Variants in DIAPH3 observed in about 807,000 individuals in gnomAD.
The protein encoded by DIAPH3 is diaphanous related formin 3, also known as protein diaphanous homolog 3.
A neutral mutation model predicts 144.3 loss-of-function variants in DIAPH3; 117 were observed. The ratio of observed to expected loss-of-function variants is 0.81; its 90% CI spans 0.70 to 0.95. The LOEUF is 0.95. Ranked by LOEUF, DIAPH3 falls within the 40% of genes least tolerant of loss-of-function variation. The probability of loss-of-function intolerance (pLI) is 0.00; values close to 1 mark genes in which losing one functional copy is unlikely to be tolerated. For missense variants in DIAPH3, 1,421 were observed against 1,412.7 expected (o/e 1.01, Z -0.09); for synonymous variants, 519 against 488.9 (o/e 1.06, Z -0.81).
At chr13:59,865,865 C>T (rs2043886194) in intron 21 of DIAPH3, among the ~76,000 whole-genome samples, 1 of 151,968 alleles carries the variant, frequency 6.6e-6, no homozygotes, top group South Asian at 2.1e-4. Flanking sequence ...AAAAACTAAG[C>T]ATCTTCGTGA....
intron 24 of DIAPH3, among the ~76,000 whole-genome samples, chr13:59,814,602 T>C (rs1206767358): frequency 6.6e-6 from 1 of 152,208 alleles, no homozygotes; most frequent in Non-Finnish European, 1.5e-5. Flanking sequence ...TGGATATGAC[T>C]GCCTCTTAGT....
chr13:59,746,372 C>T (rs1052707564), intron 27 of DIAPH3, among the ~76,000 whole-genome samples: 7 of 150,294 alleles, frequency 4.7e-5, no homozygotes, highest in African/African-American at 9.9e-5. Flanking sequence ...TACAGCTGTG[C>T]GCCACCATAC....
intron 27 of DIAPH3, among the ~76,000 whole-genome samples, chr13:59,718,736 T>TA (rs1217983053): frequency 3.3e-5 from 5 of 152,200 alleles, no homozygotes; most frequent in African/African-American, 1.2e-4. Context: ...TTCTTTTTTT[T>TA]AAGGAACTGT....
chr13:60,046,962 C>T lies in DIAPH3; in HGVS notation c.496-4142G>A, dbSNP rs902443097. Among the ~76,000 whole-genome samples, 4 of 150,600 alleles carry T rather than the reference C, an allele frequency of 2.7e-5. No individual in the cohort carries two copies. In the South Asian group the frequency reaches 6.3e-4, roughly 24 times the overall value. On this transcript the variant is annotated intron_variant, in intron 4 of 27. Coordinates refer to ENST00000400324, the MANE Select transcript of DIAPH3 (RefSeq NM_001042517.2). The stretch of plus-strand genomic sequence containing the variant: ...ACATAGGGAGGGGAACTTCACATAC[C>T]GGGGCTTTTCGGGGGGTTGGGGGGC...
intron 24 of DIAPH3, among the ~76,000 whole-genome samples, chr13:59,813,444 A>G (rs78099187): frequency 0.051 from 7,796 of 152,150 alleles, 280 homozygotes; most frequent in South Asian, 0.11. Context: ...AAAAGTAGTA[A>G]GAGGCAGTAA....
chr13:59,930,028 G>A (rs1295732693), intron 17 of DIAPH3, among the ~76,000 whole-genome samples: 1 of 152,132 alleles, frequency 6.6e-6, no homozygotes, highest in African/African-American at 2.4e-5. Flanking sequence ...CATGGCATGT[G>A]TTTATAATTA....
chr13:60,114,308 T>C (rs777006879), intron 2 of DIAPH3, among the ~76,000 whole-genome samples: 1 of 146,698 alleles, frequency 6.8e-6, no homozygotes, highest in Non-Finnish European at 1.5e-5. Context: ...AAATAAAGAA[T>C]AGATCGGAAA....
chr13:59,844,146 T>C (rs934864546), intron 22 of DIAPH3, among the ~76,000 whole-genome samples: 3 of 152,118 alleles, frequency 2.0e-5, no homozygotes, highest in South Asian at 2.1e-4. Context: ...TTTTATTTTT[T>C]CAGCAATTAT....
At chr13:59,902,361 G>C (rs2046484395) in intron 20 of DIAPH3, among the ~76,000 whole-genome samples, 1 of 152,098 alleles carries the variant, frequency 6.6e-6, no homozygotes, top group Non-Finnish European at 1.5e-5. Context: ...GGCCATGTAA[G>C]ACGTGCCTGT....
intron 27 of DIAPH3, among the ~76,000 whole-genome samples, chr13:59,707,985 T>TAAA (rs34813239): frequency 1.1e-3 from 161 of 142,760 alleles, no homozygotes; most frequent in Non-Finnish European, 1.9e-3. Flanking sequence ...CTCTCATCTT[T>TAAA]AAAAAAAAAA....
chr13:60,132,657 T>C (rs1392525141), intron 2 of DIAPH3, among the ~76,000 whole-genome samples: 1 of 152,132 alleles, frequency 6.6e-6, no homozygotes, highest in African/African-American at 2.4e-5. Context: ...TTTTTACTTC[T>C]TTTTTGAAGT....
At chr13:59,818,448 T>C (rs895394452) in intron 24 of DIAPH3, among the ~76,000 whole-genome samples, 1 of 151,892 alleles carries the variant, frequency 6.6e-6, no homozygotes, top group African/African-American at 2.4e-5. Context: ...CTAATTGTTG[T>C]TGCTTTGGGG....
intron 27 of DIAPH3, among the ~76,000 whole-genome samples, chr13:59,673,949 T>C (rs2032510351): frequency 6.6e-6 from 1 of 151,516 alleles, no homozygotes; most frequent in Admixed American, 6.7e-5. Flanking sequence ...GTATAGTACT[T>C]TCCTGAATTC....
chr13:59,709,158 T>A (rs2034588131), intron 27 of DIAPH3, among the ~76,000 whole-genome samples: 1 of 152,248 alleles, frequency 6.6e-6, no homozygotes, highest in African/African-American at 2.4e-5. Context: ...ATAACTTTTA[T>A]TTCTGGGTGA....
chr13:59,933,681 C>T (rs2048128706), intron 17 of DIAPH3, among the ~76,000 whole-genome samples: 1 of 152,084 alleles, frequency 6.6e-6, no homozygotes, highest in South Asian at 2.1e-4. Flanking sequence ...AGATTAATAC[C>T]GTTCAAAAAC....
intron 24 of DIAPH3, among the ~76,000 whole-genome samples, chr13:59,829,494 A>T (rs1378827522): frequency 1.3e-5 from 2 of 151,888 alleles, no homozygotes; most frequent in African/African-American, 4.8e-5. Flanking sequence ...CTGTTTCCTC[A>T]TCTGAAAAAT....
At chr13:59,781,894 T>A (rs1468547576) in intron 25 of DIAPH3, among the ~76,000 whole-genome samples, 1 of 152,032 alleles carries the variant, frequency 6.6e-6, no homozygotes, top group African/African-American at 2.4e-5. Flanking sequence ...TAAAAGAGGT[T>A]CAAGGAAGCT....
intron 25 of DIAPH3, among the ~76,000 whole-genome samples, chr13:59,781,586 G>A (rs2038739329): frequency 6.6e-6 from 1 of 152,226 alleles, no homozygotes; most frequent in African/African-American, 2.4e-5. Context: ...GGACAGAGTA[G>A]TGGCCACAGA....
intron 10 of DIAPH3, 48 bp from the exon 11 acceptor site, chr13:59,992,234 A>G: frequency 1.4e-6 from 2 of 1,444,198 alleles, no homozygotes; most frequent in Non-Finnish European, 9.6e-7. Context: ...GTTTTTAATT[A>G]TGCAAAAGAA....
Sources: allele counts gnomAD v4.1 joint callset (sites outside exome capture counted in the v4.1 genomes callset), GRCh38; gene constraint gnomAD v4.1.1; transcripts MANE v1.5; gene names NCBI Gene and HGNC (gene_info 2026-07-23, HGNC 2026-07-21).